Variants in TAOK1 observed in about 807,000 individuals in gnomAD.
The protein encoded by TAOK1 is TAO kinase 1.
TAOK1 carries 21 observed loss-of-function variants against 138.3 expected under a neutral mutation model. The ratio of observed to expected loss-of-function variants is 0.15; its 90% confidence interval spans 0.11 to 0.22. The LOEUF (loss-of-function observed/expected upper bound fraction) is 0.22, where lower values mean the gene tolerates loss of function less well. Among genes scored for constraint, TAOK1 ranks in the 10% least tolerant of loss-of-function variants. The probability of loss-of-function intolerance (pLI) is 1.00; values close to 1 mark genes in which losing one functional copy is unlikely to be tolerated. For missense variants in TAOK1, 651 were observed against 1,227.7 expected (o/e 0.53, Z 7.02); for synonymous variants, 361 against 398.4 (o/e 0.91, Z 1.12).
intron 1 of TAOK1, among the ~76,000 whole-genome samples, chr17:29,425,161 C>G (rs1905594403): frequency 6.6e-6 from 1 of 152,158 alleles, no homozygotes; most frequent in Non-Finnish European, 1.5e-5. Context: ...CCACCACCTC[C>G]CAGGTTCAAG....
chr17:29,495,911 A>C (rs148176621), intron 11 of TAOK1, among the ~76,000 whole-genome samples, 184 bp downstream of exon 11: 108 of 152,204 alleles, frequency 7.1e-4, no homozygotes, highest in African/African-American at 2.5e-3. Flanking sequence ...GAAATAAGAA[A>C]AGTTAAAAAA....
intron 19 of TAOK1, among the ~76,000 whole-genome samples, chr17:29,540,635 A>C (rs748377725): frequency 6.6e-6 from 1 of 151,986 alleles, no homozygotes; most frequent in East Asian, 1.9e-4. Flanking sequence ...CAATGGTGCT[A>C]TCTCTTCTCA....
chr17:29,538,520 C>T (rs889555250), intron 19 of TAOK1, among the ~76,000 whole-genome samples: 8 of 152,172 alleles, frequency 5.3e-5, no homozygotes, highest in Non-Finnish European at 7.3e-5. Flanking sequence ...GACCCTGTAC[C>T]TCTCTACAAA....
chr17:29,446,664 G>C (rs192883106), intron 1 of TAOK1, among the ~76,000 whole-genome samples: 1 of 152,058 alleles, frequency 6.6e-6, no homozygotes, highest in Middle Eastern at 3.4e-3. Flanking sequence ...ACCATGTAAC[G>C]ATGTTTTCAG....
At chr17:29,420,153 T>G (rs1905385998) in intron 1 of TAOK1, among the ~76,000 whole-genome samples, 1 of 151,896 alleles carries the variant, frequency 6.6e-6, no homozygotes. Flanking sequence ...CAAGCAGTCC[T>G]CCCTCCTCAG....
chr17:29,500,751 A>C (rs1204226492), intron 12 of TAOK1, among the ~76,000 whole-genome samples: 4 of 152,220 alleles, frequency 2.6e-5, no homozygotes, highest in African/African-American at 4.8e-5. Flanking sequence ...AAAAAAAAAA[A>C]AAACTGTGGT....
intron 11 of TAOK1, 118 bp downstream of exon 11, chr17:29,495,845 A>C: frequency 8.4e-5 from 69 of 818,426 alleles, no homozygotes; most frequent in Non-Finnish European, 1.1e-4. Context: ...GTATTTTCTC[A>C]ACACTGGTCC....
chr17:29,423,228 T>C (rs1450178502), intron 1 of TAOK1, among the ~76,000 whole-genome samples: 4 of 149,832 alleles, frequency 2.7e-5, no homozygotes, highest in Admixed American at 6.6e-5. Context: ...TCTTTTCTTT[T>C]TTTTTTTTTG....
At position 29,411,445 on chromosome 17, in the gene TAOK1, G is replaced by A. The variant is rs1905142366; in HGVS notation, c.-95+20421G>A. On this transcript the variant is annotated intron_variant, in intron 1 of 19. Coordinates refer to ENST00000261716, the MANE Select transcript of TAOK1 (RefSeq NM_020791.4). ...CTCACTCTGTTGTCCAGGCTGGAGT[G>A]CAATGGTAGGATCTCAGCTTACTGC... Among the ~76,000 whole-genome samples, 3 of 151,572 alleles carry A rather than the reference G, an allele frequency of 2.0e-5. No individual in the cohort carries two copies. The South Asian group carries it at 6.2e-4, about 31-fold the overall frequency.
At chr17:29,418,192 G>C (rs180949268) in intron 1 of TAOK1, among the ~76,000 whole-genome samples, 1 of 151,038 alleles carries the variant, frequency 6.6e-6, no homozygotes, top group East Asian at 2.0e-4. Context: ...CAGCTTCTTC[G>C]TTTTGTTTCG....
In TAOK1 at chr17:29,429,260, T is replaced by C. The variant is rs189211019; in HGVS notation, c.-94-22195T>C. ...GTGCAAAGAAGATAGTACAGAGTTC[T>C]TGTATACCTTTCATCTACTTTCCTC... On this transcript the variant is annotated intron_variant, in intron 1 of 19. Transcript: ENST00000261716. 5.3e-5 allele frequency among the ~76,000 whole-genome samples: 8 copies of C among 152,278 alleles called. No homozygotes were observed. The East Asian group carries it at 1.5e-3, about 29-fold the overall frequency.
At chr17:29,517,408 C>G (rs769273858) in intron 15 of TAOK1, 45 bp from the exon 16 acceptor site, 1 of 1,594,254 alleles carries the variant, frequency 6.3e-7, no homozygotes, top group Non-Finnish European at 8.6e-7. Flanking sequence ...GCGTGAGCCA[C>G]CGTGCCAGGC....
intron 1 of TAOK1, among the ~76,000 whole-genome samples, chr17:29,422,344 C>T (rs947713619): frequency 3.3e-5 from 5 of 151,968 alleles, no homozygotes; most frequent in African/African-American, 7.2e-5. Context: ...GCTGGAACTA[C>T]AGGCACGAGC....
At chr17:29,414,960 C>T (rs1216482112) in intron 1 of TAOK1, among the ~76,000 whole-genome samples, 1 of 151,496 alleles carries the variant, frequency 6.6e-6, no homozygotes, top group Non-Finnish European at 1.5e-5. Context: ...CATTTTATAC[C>T]TTTTTTTTGC....
At chr17:29,475,034 G>GTT (rs1166320096) in intron 3 of TAOK1, among the ~76,000 whole-genome samples, 1 of 151,964 alleles carries the variant, frequency 6.6e-6, no homozygotes, top group Non-Finnish European at 1.5e-5. Context: ...TCCACCTCCC[G>GTT]TGTTCAAGCT....
At chr17:29,453,810 T>G (rs1205296672) in intron 2 of TAOK1, among the ~76,000 whole-genome samples, 6 of 129,984 alleles carry the variant, frequency 4.6e-5, no homozygotes, top group Admixed American at 4.5e-4. Flanking sequence ...GGTTTTTTTG[T>G]TTTTTTTTTT....
intron 2 of TAOK1, among the ~76,000 whole-genome samples, chr17:29,454,075 CAA>C (rs1394147539): frequency 1.3e-5 from 2 of 151,790 alleles, no homozygotes; most frequent in Non-Finnish European, 2.9e-5. Flanking sequence ...CTTGGCCTCA[CAA>C]AAGTGCTGAG....
Position 29,467,121 on chromosome 17 carries a change from C to T in TAOK1, c.133-24C>T, listed in dbSNP as rs764209953. 3.9e-6 allele frequency: 6 copies of T among 1,538,708 alleles called. No individual in the cohort carries two copies. The South Asian group carries it at 7.4e-5, about 19-fold the overall frequency. On this transcript the variant is annotated intron_variant, in intron 2 of 19. Coordinates refer to ENST00000261716, the MANE Select transcript of TAOK1 (RefSeq NM_020791.4). ...ATTTCACCTGTTAATTTTTACAGTGCTTCTTTCTTTCTTTCTTCTTTAGGC... is the reference window on the plus strand; with the variant it reads ...ATTTCACCTGTTAATTTTTACAGTGTTTCTTTCTTTCTTTCTTCTTTAGGC...
At chr17:29,402,108 CT>C (rs1333066744) in intron 1 of TAOK1, among the ~76,000 whole-genome samples, 3 of 151,994 alleles carry the variant, frequency 2.0e-5, no homozygotes, top group Middle Eastern at 3.2e-3. Context: ...GTATATTTAC[CT>C]TTCCTAGGTT....
Sources: gnomAD v4.1 joint callset for allele counts (sites outside exome capture counted in the v4.1 genomes callset) on GRCh38, gnomAD v4.1.1 for gene constraint, MANE v1.5 for transcripts, NCBI Gene and HGNC (gene_info 2026-07-23, HGNC 2026-07-21) for gene names.